Variants in RANBP2 observed in about 807,000 individuals in gnomAD.
RANBP2 encodes the protein RAN binding protein 2.
A neutral mutation model predicts 303.6 loss-of-function variants in RANBP2; 57 were observed. The observed-to-expected ratio is 0.19, with a 90% confidence interval of 0.15 to 0.23. The LOEUF is 0.23. Among genes scored for constraint, RANBP2 ranks in the 10% least tolerant of loss-of-function variants. RANBP2 has a pLI of 1.00. For synonymous variants in RANBP2, 1,167 were observed against 1,301.5 expected (o/e 0.90, Z 2.23); for missense variants, 3,138 against 3,780.8 (o/e 0.83, Z 4.46).
chr2:109,312,355 T>C, the RANBP2 span, among the ~76,000 whole-genome samples: 2 of 152,202 alleles, frequency 1.3e-5, no homozygotes, highest in Admixed American at 6.5e-5. Context: ...AACGGGTTTT[T>C]TATTGTGGTA....
chr2:109,349,003 C>T, the RANBP2 span, among the ~76,000 whole-genome samples: 1 of 152,176 alleles, frequency 6.6e-6, no homozygotes, highest in South Asian at 2.1e-4. Context: ...TTGCCTGTGT[C>T]TCTCTGTGTC....
intron 20 of RANBP2, among the ~76,000 whole-genome samples, chr2:108,769,730 G>T (rs545202401): frequency 1.3e-5 from 2 of 151,976 alleles, no homozygotes; most frequent in Non-Finnish European, 2.9e-5. Flanking sequence ...GAAAAATGTT[G>T]TATTTGAAAA....
chr2:109,252,854 A>G, the RANBP2 span, among the ~76,000 whole-genome samples: 16 of 152,198 alleles, frequency 1.1e-4, no homozygotes, highest in Admixed American at 5.2e-4. Flanking sequence ...TTATATAGGT[A>G]TGTGAAGTAC....
the RANBP2 span, among the ~76,000 whole-genome samples, chr2:109,028,131 C>A: frequency 6.6e-6 from 1 of 152,032 alleles, no homozygotes; most frequent in Non-Finnish European, 1.5e-5. Flanking sequence ...ATTACCTGGG[C>A]CAGGTGACAT....
chr2:109,286,742 G>A, the RANBP2 span, among the ~76,000 whole-genome samples: 1 of 152,288 alleles, frequency 6.6e-6, no homozygotes, highest in South Asian at 2.1e-4. Context: ...TGGGAGTGTT[G>A]GGTTTCCCTA....
At chr2:109,480,593 C>G in the RANBP2 span, among the ~76,000 whole-genome samples, 1 of 152,126 alleles carries the variant, frequency 6.6e-6, no homozygotes, top group Non-Finnish European at 1.5e-5. Context: ...GAGGTCATCC[C>G]GAGCAGCCAT....
At chr2:109,322,253 G>A in the RANBP2 span, among the ~76,000 whole-genome samples, 1 of 152,188 alleles carries the variant, frequency 6.6e-6, no homozygotes, top group Non-Finnish European at 1.5e-5. Context: ...GGAACTTTGT[G>A]TATTTTGCAT....
At chr2:109,436,040 C>A in the RANBP2 span, among the ~76,000 whole-genome samples, 1 of 152,092 alleles carries the variant, frequency 6.6e-6, no homozygotes, top group Non-Finnish European at 1.5e-5. Flanking sequence ...CCCAGTGATA[C>A]CAGCCACAGG....
the RANBP2 span, among the ~76,000 whole-genome samples, chr2:109,747,767 T>C: frequency 3.5e-5 from 5 of 142,088 alleles, no homozygotes; most frequent in Non-Finnish European, 7.6e-5. Context: ...TCATTAATAA[T>C]ACCTACACAC....
the RANBP2 span, chr2:108,798,447 A>G: frequency 6.2e-7 from 1 of 1,613,110 alleles, no homozygotes; most frequent in Non-Finnish European, 8.5e-7. Context: ...GCAGCACAAC[A>G]GAAATTTGCT....
chr2:109,572,364 A>C, the RANBP2 span, among the ~76,000 whole-genome samples: 1 of 152,068 alleles, frequency 6.6e-6, no homozygotes, highest in Non-Finnish European at 1.5e-5. Flanking sequence ...CGATCTCCTG[A>C]CCTTGTGACT....
chr2:108,790,231 G>A (rs1049455421), downstream of RANBP2, among the ~76,000 whole-genome samples: 1 of 152,168 alleles, frequency 6.6e-6, no homozygotes, highest in Non-Finnish European at 1.5e-5. Flanking sequence ...TACGTTGAAT[G>A]TAGGGTAAGG....
At chr2:108,911,214 C>G in the RANBP2 span, 1 of 1,052,860 alleles carries the variant, frequency 9.5e-7, no homozygotes, top group Non-Finnish European at 1.4e-6. Context: ...CTTGCTTAGA[C>G]TGAGAACCAA....
the RANBP2 span, among the ~76,000 whole-genome samples, chr2:109,145,008 A>G: frequency 6.6e-6 from 1 of 152,236 alleles, no homozygotes; most frequent in Non-Finnish European, 1.5e-5. Flanking sequence ...GGTGTGGCAT[A>G]AGAAACTCAG....
chr2:109,602,344 T>G, the RANBP2 span, among the ~76,000 whole-genome samples: 3 of 152,254 alleles, frequency 2.0e-5, no homozygotes, highest in African/African-American at 7.2e-5. Context: ...CTTATTGATG[T>G]GAAAAGACCC....
At chr2:109,302,717 A>G in the RANBP2 span, among the ~76,000 whole-genome samples, 1 of 151,688 alleles carries the variant, frequency 6.6e-6, no homozygotes, top group South Asian at 2.1e-4. Flanking sequence ...GAGACAAGGC[A>G]TCATGGTGCT....
the RANBP2 span, among the ~76,000 whole-genome samples, chr2:109,703,421 T>C: frequency 5.3e-5 from 8 of 152,154 alleles, no homozygotes; most frequent in Non-Finnish European, 1.0e-4. Context: ...ACGTTTTTAT[T>C]TTCTGTATTT....
chr2:109,298,450 C>T, the RANBP2 span, among the ~76,000 whole-genome samples: 4 of 152,074 alleles, frequency 2.6e-5, no homozygotes, highest in Non-Finnish European at 4.4e-5. Flanking sequence ...GGGTCCCTCA[C>T]GGCTCAGGGA....
chr2:109,574,724 AG>A, the RANBP2 span: 1 of 1,604,752 alleles, frequency 6.2e-7, no homozygotes, highest in Non-Finnish European at 8.5e-7. Context: ...TCTTGGAGAT[AG>A]GCCTCAAACT....
Sources: gnomAD v4.1 joint callset for allele counts (sites outside exome capture counted in the v4.1 genomes callset) on GRCh38, gnomAD v4.1.1 for gene constraint, MANE v1.5 for transcripts, NCBI Gene and HGNC (gene_info 2026-07-23, HGNC 2026-07-21) for gene names.